Variants in EXT1 observed in about 807,000 individuals in gnomAD.
EXT1 encodes the protein exostosin glycosyltransferase 1, also known as exostosin-1.
In EXT1, 20 loss-of-function variants were observed where a neutral mutation model predicts 82.5. That is an observed-to-expected ratio of 0.24 (90% confidence interval 0.17 to 0.35). The LOEUF (loss-of-function observed/expected upper bound fraction) is 0.35, where lower values mean the gene tolerates loss of function less well. Ranked by LOEUF, EXT1 falls within the 10% of genes least tolerant of loss-of-function variation. The pLI is 1.00. For missense variants in EXT1, 757 were observed against 936.5 expected (o/e 0.81, Z 2.50); for synonymous variants, 348 against 350.8 (o/e 0.99, Z 0.09).
At position 117,917,982 on chromosome 8, in the gene EXT1, A is replaced by G. The variant is rs116006487; in HGVS notation, c.963-80781T>C. ...GCACACTGTTAGGCACCTGACAGCA[A>G]GGATCCTGACATAATGAACACTAAT... On this transcript the variant is annotated intron_variant, in intron 1 of 10. Transcript: ENST00000378204. Among the ~76,000 whole-genome samples the G allele has an allele frequency of 6.4e-3, 977 of 152,286 alleles. 12 individuals carry two copies. The highest frequency in any genetic ancestry group is 0.021 in the African/African-American group (884 of 41,566).
intron 1 of EXT1, among the ~76,000 whole-genome samples, chr8:118,093,852 T>A (rs1049770526): frequency 1.3e-5 from 2 of 152,252 alleles, no homozygotes; most frequent in Non-Finnish European, 2.9e-5. Flanking sequence ...AAACTTAACA[T>A]GCAGAAACGG....
intron 1 of EXT1, among the ~76,000 whole-genome samples, chr8:117,849,514 A>C (rs1812420060): frequency 6.6e-6 from 1 of 152,238 alleles, no homozygotes; most frequent in South Asian, 2.1e-4. Context: ...TGCAGGGATA[A>C]TTCATATGAC....
chr8:118,015,697 T>G (rs1815988984), intron 1 of EXT1, among the ~76,000 whole-genome samples: 2 of 152,192 alleles, frequency 1.3e-5, no homozygotes, highest in South Asian at 4.1e-4. Context: ...GGGTGAACTG[T>G]GTCTCCCAAA....
chr8:117,806,211 G>A (rs1342769876), intron 9 of EXT1, among the ~76,000 whole-genome samples: 2 of 152,140 alleles, frequency 1.3e-5, no homozygotes, highest in Non-Finnish European at 2.9e-5. Flanking sequence ...CTTCAACTCT[G>A]GGTCTGTTAT....
chr8:117,911,409 A>G (rs374946675), intron 1 of EXT1, among the ~76,000 whole-genome samples: 3 of 152,280 alleles, frequency 2.0e-5, no homozygotes, highest in East Asian at 3.9e-4. Flanking sequence ...AAACTCCCTC[A>G]TTCTGAATGG....
At chr8:117,937,256 C>T (rs1404646273) in intron 1 of EXT1, among the ~76,000 whole-genome samples, 2 of 152,206 alleles carry the variant, frequency 1.3e-5, no homozygotes, top group Non-Finnish European at 2.9e-5. Context: ...GGGTCTTGGG[C>T]TGAAATCATT....
chr8:118,067,743 T>G (rs1190763834), intron 1 of EXT1, among the ~76,000 whole-genome samples: 1 of 152,236 alleles, frequency 6.6e-6, no homozygotes, highest in Non-Finnish European at 1.5e-5. Context: ...AACTGCACAT[T>G]AAATCAGAAA....
chr8:117,813,719 T>C (rs1823372673), intron 7 of EXT1, among the ~76,000 whole-genome samples: 2 of 152,074 alleles, frequency 1.3e-5, no homozygotes, highest in African/African-American at 4.8e-5. Context: ...TAAAGAAATA[T>C]ATTAGGCCAG....
At position 117,822,462 on chromosome 8, in the gene EXT1, T is replaced by C. The variant is rs751892095; in HGVS notation, c.1417+3A>G. On this transcript the variant is annotated splice_donor_region_variant and intron_variant, in intron 5 of 10. Transcript: ENST00000378204. ...GGCAACTCCCTGGAGGAAATTCACT[T>C]ACCTAAATTAGCATAGTAGTAAGGA... 3.1e-6 allele frequency: 5 copies of C among 1,612,938 alleles called. No individual in the cohort carries two copies. The highest frequency in any genetic ancestry group is 1.7e-6 in the Non-Finnish European group (2 of 1,179,654).
chr8:117,887,536 G>A (rs1012315990), intron 1 of EXT1, among the ~76,000 whole-genome samples: 3 of 152,008 alleles, frequency 2.0e-5, no homozygotes, highest in Non-Finnish European at 2.9e-5. Context: ...ATTTTTAGTA[G>A]AGACAGGGTT....
chr8:117,809,454 C>T (rs986179777), intron 8 of EXT1, among the ~76,000 whole-genome samples: 43 of 151,232 alleles, frequency 2.8e-4, no homozygotes, highest in Non-Finnish European at 4.6e-4. Context: ...TTGGCCAACA[C>T]GGTGAAACCC....
intron 1 of EXT1, among the ~76,000 whole-genome samples, chr8:117,927,257 G>GAA (rs533546408): frequency 1.3e-5 from 2 of 149,842 alleles, no homozygotes; most frequent in African/African-American, 4.9e-5. Context: ...AGGTTTTTTG[G>GAA]AAAAAAAAAG....
At chr8:117,848,687 C>T (rs1812405371) in intron 1 of EXT1, among the ~76,000 whole-genome samples, 1 of 152,132 alleles carries the variant, frequency 6.6e-6, no homozygotes, top group Non-Finnish European at 1.5e-5. Context: ...ATGGATTTTG[C>T]AATTCAGTGA....
intron 1 of EXT1, among the ~76,000 whole-genome samples, chr8:118,032,053 G>C (rs1051693770): frequency 1.3e-5 from 2 of 150,376 alleles, no homozygotes; most frequent in African/African-American, 4.9e-5. Flanking sequence ...CTGAGCAATT[G>C]GGTTGAGAAT....
At chr8:117,859,149 T>C (rs555058140) in intron 1 of EXT1, among the ~76,000 whole-genome samples, 1 of 152,322 alleles carries the variant, frequency 6.6e-6, no homozygotes, top group African/African-American at 2.4e-5. Flanking sequence ...TTATATGTAC[T>C]GGAAAACCAG....
chr8:118,020,373 C>T (rs1339790034), intron 1 of EXT1, among the ~76,000 whole-genome samples: 1 of 152,176 alleles, frequency 6.6e-6, no homozygotes, highest in Non-Finnish European at 1.5e-5. Context: ...CATACCTTCA[C>T]TTTCAGTGGT....
chr8:117,834,667 CA>C (rs1370564532), intron 3 of EXT1, among the ~76,000 whole-genome samples: 1 of 151,564 alleles, frequency 6.6e-6, no homozygotes, highest in African/African-American at 2.4e-5. Context: ...AATGAATATC[CA>C]AAAACTAAAA....
chr8:117,860,468 AT>A (rs966543754), intron 1 of EXT1, among the ~76,000 whole-genome samples: 9 of 152,216 alleles, frequency 5.9e-5, no homozygotes, highest in Non-Finnish European at 1.0e-4. Flanking sequence ...CAGTATGTCC[AT>A]GTCAGACAAC....
At position 118,105,004 on chromosome 8, in the gene EXT1, G is replaced by A. The variant is rs188403920; in HGVS notation, c.962+5081C>T. 2.8e-4 allele frequency among the ~76,000 whole-genome samples: 43 copies of A among 152,274 alleles called. No homozygotes were observed. In the East Asian group the frequency reaches 7.3e-3, roughly 26 times the overall value. ...AGACAACTCGGGCCATAAAACCTGG[G>A]TTTTAGCCTCAATTCAGCCACTTAC... On this transcript the variant is annotated intron_variant, in intron 1 of 10. Transcript: ENST00000378204.
Sources: gnomAD v4.1 joint callset for allele counts (sites outside exome capture counted in the v4.1 genomes callset) on GRCh38, gnomAD v4.1.1 for gene constraint, MANE v1.5 for transcripts, NCBI Gene and HGNC (gene_info 2026-07-23, HGNC 2026-07-21) for gene names.